Variants in CCDC138 observed in about 807,000 individuals in gnomAD.
CCDC138 encodes the protein coiled-coil domain containing 138.
In CCDC138, 66 loss-of-function variants were observed where a neutral mutation model predicts 82.3. The ratio of observed to expected loss-of-function variants is 0.80; its 90% CI spans 0.66 to 0.98. The LOEUF is 0.98. CCDC138 is among the 50% of genes least tolerant of loss of function. The pLI is 0.00. For synonymous variants in CCDC138, 297 were observed against 265.4 expected (o/e 1.12, Z -1.16); for missense variants, 816 against 758.9 (o/e 1.08, Z -0.88).
intron 4 of CCDC138, among the ~76,000 whole-genome samples, chr2:108,794,110 CA>C (rs1369799273): frequency 6.6e-6 from 1 of 151,944 alleles, no homozygotes. Context: ...ATATAAAAGG[CA>C]AAACAAGCAA....
intron 10 of CCDC138, among the ~76,000 whole-genome samples, chr2:108,820,283 G>T (rs150425559): frequency 1.2e-3 from 187 of 152,162 alleles, no homozygotes; most frequent in African/African-American, 4.4e-3. Flanking sequence ...TGTCAGAGGA[G>T]CAAAGAGAAA....
At position 108,798,531 on chromosome 2, in the gene CCDC138, G is replaced by A; in HGVS notation, c.680G>A (p.Ser227Asn). Reference protein sequence around the residue: ...QLLFRHENALSKIKGVEEEVL... With the variant: ...QLLFRHENALNKIKGVEEEVL... Reference sequence around the variant, plus strand: ...CTTTTCAGACATGAAAATGCCTTGAGTAAAATTAAAGGTGTTGAAGAAGAG... The same window carrying A: ...CTTTTCAGACATGAAAATGCCTTGAATAAAATTAAAGGTGTTGAAGAAGAG... The change falls in exon 6 of 15, where the codon AGT (serine) becomes AAT (asparagine). Residue 227 changes from serine to asparagine, a missense_variant. By Grantham distance (46) the Ser-to-Asn change is conservative. Transcript: ENST00000295124. 1 of 1,613,852 alleles carries A rather than the reference G, an allele frequency of 6.2e-7. No individual in the cohort carries two copies. Among genetic ancestry groups the A allele is most frequent in the Non-Finnish European group, 8.5e-7 (1 of 1,179,854 alleles).
chr2:108,874,902 T>G (rs1161125187), intron 14 of CCDC138, among the ~76,000 whole-genome samples: 1 of 142,720 alleles, frequency 7.0e-6, no homozygotes, highest in African/African-American at 2.5e-5. Flanking sequence ...TTAATTCTTT[T>G]TTACTTCTTA....
At chr2:108,804,753 C>A in intron 6 of CCDC138, 136 bp from the exon 7 acceptor site, 1 of 654,346 alleles carries the variant, frequency 1.5e-6, no homozygotes, top group Non-Finnish European at 2.3e-6. Flanking sequence ...CCACACTAGT[C>A]ACTTGTGCTT....
chr2:108,787,090 T>A (rs1269106271), intron 1 of CCDC138, among the ~76,000 whole-genome samples, 175 bp downstream of exon 1: 1 of 151,576 alleles, frequency 6.6e-6, no homozygotes, highest in East Asian at 1.9e-4. Flanking sequence ...GGCGTTGCGC[T>A]GCGGGGGTGC....
chr2:108,842,381 G>A (rs1438637477), intron 11 of CCDC138, among the ~76,000 whole-genome samples: 1 of 152,006 alleles, frequency 6.6e-6, no homozygotes, highest in Admixed American at 6.6e-5. Context: ...GAGTTACATG[G>A]CAAACCTGGA....
chr2:108,876,925 C>T (rs1696058905), downstream of CCDC138, among the ~76,000 whole-genome samples: 2 of 152,102 alleles, frequency 1.3e-5, no homozygotes. Context: ...AAAGTGGCCA[C>T]AGGTCTGGGT....
chr2:108,858,203 G>T (rs1452750821), intron 13 of CCDC138, among the ~76,000 whole-genome samples: 2 of 152,160 alleles, frequency 1.3e-5, no homozygotes, highest in East Asian at 3.8e-4. Context: ...AATTAGCCGG[G>T]CATGGTGGTG....
intron 3 of CCDC138, among the ~76,000 whole-genome samples, chr2:108,791,183 A>G (rs992346277): frequency 2.0e-5 from 3 of 152,178 alleles, no homozygotes; most frequent in East Asian, 1.9e-4. Context: ...TAAATTACCT[A>G]TATGACTTGT....
intron 10 of CCDC138, among the ~76,000 whole-genome samples, chr2:108,821,809 G>T (rs1195451657): frequency 6.6e-6 from 1 of 151,864 alleles, no homozygotes; most frequent in African/African-American, 2.4e-5. Context: ...GCCGGGCGTA[G>T]TGGTGGGTGC....
At chr2:108,885,166 C>T (rs1045678248) in exon 3 of CCDC138, 6 of 152,248 alleles carry the variant, frequency 3.9e-5, no homozygotes, top group Non-Finnish European at 8.8e-5. Context: ...CTTTACCCGC[C>T]CCCAATGCTG....
intron 4 of CCDC138, 68 bp from the exon 5 acceptor site, chr2:108,794,472 G>T: frequency 2.2e-6 from 3 of 1,380,810 alleles, no homozygotes; most frequent in South Asian, 2.9e-5. Flanking sequence ...CTTCCTAAAG[G>T]TTACTCTGAG....
At chr2:108,812,995 A>C (rs577815055) in intron 9 of CCDC138, 68 bp downstream of exon 9, 3 of 1,311,336 alleles carry the variant, frequency 2.3e-6, no homozygotes, top group Non-Finnish European at 3.2e-6. Context: ...CACACCTGTA[A>C]TCCCAGCACT....
intron 10 of CCDC138, 128 bp from the exon 11 acceptor site, chr2:108,839,057 G>A (rs570883450): frequency 1.0e-6 from 1 of 1,003,958 alleles, no homozygotes; most frequent in East Asian, 2.7e-5. Flanking sequence ...TAAAGTGAAG[G>A]TTTTTTGTTG....
chr2:108,790,923 T>C (rs1679804794), intron 3 of CCDC138, among the ~76,000 whole-genome samples: 1 of 151,892 alleles, frequency 6.6e-6, no homozygotes, highest in Non-Finnish European at 1.5e-5. Flanking sequence ...AGCTAATTTA[T>C]TTTATTTATT....
intron 7 of CCDC138, among the ~76,000 whole-genome samples, chr2:108,811,585 T>A (rs1448288680): frequency 1.3e-5 from 2 of 152,128 alleles, no homozygotes; most frequent in Admixed American, 1.3e-4. Flanking sequence ...TTGGTTTTTT[T>A]ATTTTTTCAA....
downstream of CCDC138, among the ~76,000 whole-genome samples, chr2:108,879,247 C>T (rs1235537568): frequency 6.6e-6 from 1 of 152,202 alleles, no homozygotes; most frequent in Non-Finnish European, 1.5e-5. Context: ...GCTGGGATTA[C>T]AAGCATGAAC....
chr2:108,799,018 G>T (rs1681431149), intron 6 of CCDC138, among the ~76,000 whole-genome samples: 2 of 152,020 alleles, frequency 1.3e-5, no homozygotes, highest in Non-Finnish European at 1.5e-5. Flanking sequence ...TACTTTCTCA[G>T]TTGGTCTTCA....
chr2:108,788,172 A>C (rs1020611619), intron 2 of CCDC138, 83 bp downstream of exon 2: 1 of 1,413,738 alleles, frequency 7.1e-7, no homozygotes, highest in Admixed American at 2.2e-5. Context: ...TAATCCCAGC[A>C]CTTTGGGAGG....
Sources: gnomAD v4.1 joint callset for allele counts (sites outside exome capture counted in the v4.1 genomes callset) on GRCh38, gnomAD v4.1.1 for gene constraint, MANE v1.5 for transcripts, NCBI Gene and HGNC (gene_info 2026-07-23, HGNC 2026-07-21) for gene names.